ADCY8: variants seen among roughly 807,000 people sequenced by gnomAD.
ADCY8 encodes adenylate cyclase 8.
Under a neutral mutation model 119.7 loss-of-function variants are expected in ADCY8, and 51 were observed. The ratio of observed to expected loss-of-function variants is 0.43; its 90% CI spans 0.34 to 0.54. The LOEUF (loss-of-function observed/expected upper bound fraction) is 0.54, where lower values mean the gene tolerates loss of function less well. Ranked by LOEUF, ADCY8 falls within the 20% of genes least tolerant of loss-of-function variation. The pLI, the probability that ADCY8 is intolerant of heterozygous loss-of-function variation, is 0.03. For synonymous variants in ADCY8, 665 were observed against 651.0 expected (o/e 1.02, Z -0.33); for missense variants, 1,383 against 1,598.8 (o/e 0.87, Z 2.30).
In ADCY8 at chr8:130,846,530, CCCTT is replaced by C. The variant is rs764912713; in HGVS notation, c.2502+890_2502+893del. Among the ~76,000 whole-genome samples the C allele has an allele frequency of 7.6e-5, 10 of 131,436 alleles. No homozygotes were observed. The South Asian group carries it at 7.8e-4, about 10-fold the overall frequency. The allele number at this position is 131,436 out of a possible 152,430, so 86.2% of individuals were successfully genotyped here. On this transcript the variant is annotated intron_variant, in intron 11 of 17. Coordinates refer to ENST00000286355, the MANE Select transcript of ADCY8 (RefSeq NM_001115.3). ...TTCTTCCCTCTCTCCCTCCCTCCCT[CCCTT>C]CCTTCCTTCCTTCATTCCTTCATTC...
chr8:131,000,408 C>T (rs2130760855), intron 1 of ADCY8, among the ~76,000 whole-genome samples: 1 of 152,266 alleles, frequency 6.6e-6, no homozygotes, highest in African/African-American at 2.4e-5. Context: ...GTAAACGAGC[C>T]TGGCTGAAGA....
chr8:130,786,540 C>T (rs1346610040), intron 15 of ADCY8, among the ~76,000 whole-genome samples: 1 of 152,116 alleles, frequency 6.6e-6, no homozygotes, highest in Non-Finnish European at 1.5e-5. Context: ...TTTCTGACCT[C>T]CAAACAGTAA....
chr8:130,957,261 G>A lies in ADCY8; in HGVS notation c.1111-5263C>T, dbSNP rs112132913. On this transcript the variant is annotated intron_variant, in intron 2 of 17. Coordinates refer to ENST00000286355, the MANE Select transcript of ADCY8 (RefSeq NM_001115.3). ...ACTTGTTGGGAACTGGAGCAAAGGT[G>A]ACTCTTGTTGTGTTTTAGCAAAGAG... 7.7e-3 allele frequency among the ~76,000 whole-genome samples: 1,172 copies of A among 152,296 alleles called. 20 individuals are homozygous for A. Among genetic ancestry groups the A allele is most frequent in the African/African-American group, 0.026 (1,086 of 41,564 alleles).
intron 14 of ADCY8, among the ~76,000 whole-genome samples, chr8:130,807,358 C>T (rs1235635794): frequency 6.6e-6 from 1 of 152,220 alleles, no homozygotes; most frequent in African/African-American, 2.4e-5. Flanking sequence ...TTAGAGAGAG[C>T]TTCCATGACC....
chr8:130,842,946 T>C (rs3914071), intron 11 of ADCY8, among the ~76,000 whole-genome samples: 20,574 of 151,862 alleles, frequency 0.14, 2,080 homozygotes, highest in African/African-American at 0.29. Context: ...TTGATTTTTT[T>C]CCCTCATTAT....
chr8:130,920,000 TG>T (rs33998966), intron 5 of ADCY8, among the ~76,000 whole-genome samples: 1,774 of 152,124 alleles, frequency 0.012, 36 homozygotes, highest in African/African-American at 0.041. Flanking sequence ...AAGCAGGGCC[TG>T]GTGCAGTGGC....
At position 131,016,998 on chromosome 8, in the gene ADCY8, G is replaced by A. The variant is rs758070312; in HGVS notation, c.960+22376C>T. ...ATCTAGGATGTTGGAGAAAGAACTC[G>A]TGCTTTGATTAGAAGGTGACTTTGG... On this transcript the variant is annotated intron_variant, in intron 1 of 17. Transcript: ENST00000286355. Among the ~76,000 whole-genome samples the A allele has an allele frequency of 6.5e-4, 99 of 151,816 alleles. 2 individuals carry two copies. The highest frequency in any genetic ancestry group is 7.5e-4 in the African/African-American group (31 of 41,358).
chr8:130,867,989 T>A, intron 8 of ADCY8, 43 bp from the exon 9 acceptor site: 1 of 1,372,022 alleles, frequency 7.3e-7, no homozygotes, highest in Non-Finnish European at 1.0e-6. Context: ...TGCAGCAGAG[T>A]GCAGTGTTTG....
At chr8:130,874,277 C>T (rs1358475414) in intron 8 of ADCY8, among the ~76,000 whole-genome samples, 2 of 151,576 alleles carry the variant, frequency 1.3e-5, no homozygotes, top group African/African-American at 4.9e-5. Flanking sequence ...CACTGCACTT[C>T]AGCCTGGAAG....
In ADCY8 at chr8:131,039,373, C is replaced by A. The variant is rs1451686917; in HGVS notation, c.960+1G>T. ...ACAAATGCAAGGCAGGCAGGAGTTACCTGGTTGATGGAAATGACCGCCAGC... is the reference window on the plus strand; with the variant it reads ...ACAAATGCAAGGCAGGCAGGAGTTAACTGGTTGATGGAAATGACCGCCAGC... On this transcript the variant is annotated splice_donor_variant, in intron 1 of 17. Coordinates refer to ENST00000286355, the MANE Select transcript of ADCY8 (RefSeq NM_001115.3). LOFTEE classifies it high-confidence loss of function. 3 of 1,611,960 alleles carry A rather than the reference C, an allele frequency of 1.9e-6. No homozygotes were observed.
chr8:130,807,094 G>T (rs1486353815), intron 14 of ADCY8, among the ~76,000 whole-genome samples: 1 of 152,222 alleles, frequency 6.6e-6, no homozygotes, highest in African/African-American at 2.4e-5. Flanking sequence ...TTGGTCGAAG[G>T]TATGGACTTA....
intron 10 of ADCY8, 67 bp from the exon 11 acceptor site, chr8:130,847,580 G>A (rs1817373735): frequency 1.5e-6 from 2 of 1,356,090 alleles, no homozygotes; most frequent in East Asian, 2.3e-5. Context: ...GTCAGTGTGA[G>A]TGCTGGAAAT....
At chr8:130,804,054 G>A (rs181700116) in intron 14 of ADCY8, among the ~76,000 whole-genome samples, 21 of 152,204 alleles carry the variant, frequency 1.4e-4, no homozygotes, top group African/African-American at 5.1e-4. Flanking sequence ...ATGCCACGAA[G>A]GAGCCTGACT....
intron 1 of ADCY8, among the ~76,000 whole-genome samples, chr8:131,012,047 C>G (rs1228245283): frequency 3.3e-5 from 5 of 152,158 alleles, no homozygotes; most frequent in Non-Finnish European, 2.9e-5. Context: ...ATTTGGGGAG[C>G]CTGGCATCTC....
chr8:131,021,022 G>A (rs1389112026), intron 1 of ADCY8, among the ~76,000 whole-genome samples: 1 of 152,054 alleles, frequency 6.6e-6, no homozygotes, highest in Non-Finnish European at 1.5e-5. Context: ...ATTTGTCTTA[G>A]GTGATTAAAC....
chr8:130,889,705 A>G (rs1189939429), intron 7 of ADCY8, among the ~76,000 whole-genome samples: 1 of 152,188 alleles, frequency 6.6e-6, no homozygotes, highest in East Asian at 1.9e-4. Context: ...TACATATTGC[A>G]TAATTCTTCT....
chr8:130,909,876 T>C lies in ADCY8; in HGVS notation c.1482-10A>G, dbSNP rs559275832. On this transcript the variant is annotated splice_polypyrimidine_tract_variant and intron_variant, in intron 5 of 17. Transcript: ENST00000286355. ...CCTTGACCGCACATACCTGTTGACA[T>C]AGGTAAATGGAGAGACACATGTATA... The C allele has an allele frequency of 2.3e-5, 37 of 1,613,618 alleles. No individual in the cohort carries two copies. Among genetic ancestry groups the C allele is most frequent in the Admixed American group, 1.3e-4 (8 of 60,000 alleles).
At chr8:130,918,319 G>C (rs1248120608) in intron 5 of ADCY8, among the ~76,000 whole-genome samples, 5 of 152,144 alleles carry the variant, frequency 3.3e-5, no homozygotes, top group Non-Finnish European at 5.9e-5. Flanking sequence ...GGTGGAGAGA[G>C]AGAGCCAGCA....
At chr8:131,020,097 A>G (rs1367988704) in intron 1 of ADCY8, among the ~76,000 whole-genome samples, 1 of 152,100 alleles carries the variant, frequency 6.6e-6, no homozygotes, top group East Asian at 1.9e-4. Flanking sequence ...TGGAAGGAGA[A>G]CAAGATGAAG....
Sources: gnomAD v4.1 joint callset for allele counts (sites outside exome capture counted in the v4.1 genomes callset) on GRCh38, gnomAD v4.1.1 for gene constraint, MANE v1.5 for transcripts, NCBI Gene and HGNC (gene_info 2026-07-23, HGNC 2026-07-21) for gene names.